DNAH3: variants seen among roughly 807,000 people sequenced by gnomAD.
The protein encoded by DNAH3 is dynein axonemal heavy chain 3.
Under a neutral mutation model 432.5 loss-of-function variants are expected in DNAH3, and 332 were observed. The ratio of observed to expected loss-of-function variants is 0.77; its 90% CI spans 0.70 to 0.84. The LOEUF (loss-of-function observed/expected upper bound fraction) is 0.84. Among genes scored for constraint, DNAH3 ranks in the 40% least tolerant of loss-of-function variants. DNAH3 has a pLI of 0.00. For missense variants in DNAH3, 4,861 were observed against 5,114.0 expected (o/e 0.95, Z 1.51); for synonymous variants, 1,956 against 1,900.2 (o/e 1.03, Z -0.76).
intron 47 of DNAH3, among the ~76,000 whole-genome samples, chr16:20,986,729 C>T (rs887500210): frequency 6.6e-6 from 1 of 152,110 alleles, no homozygotes; most frequent in African/African-American, 2.4e-5. Context: ...GTTTTAGATG[C>T]CTCCTCGTCC....
chr16:21,050,916 T>C (rs2089927613), intron 29 of DNAH3, among the ~76,000 whole-genome samples: 1 of 152,220 alleles, frequency 6.6e-6, no homozygotes, highest in South Asian at 2.1e-4. Context: ...TTTAGCACTC[T>C]ATCTTGTAAT....
chr16:21,081,437 C>T (rs1188957746), intron 20 of DNAH3, among the ~76,000 whole-genome samples, 199 bp downstream of exon 20: 1 of 151,120 alleles, frequency 6.6e-6, no homozygotes, highest in Admixed American at 6.6e-5. Context: ...CTAGTCACAA[C>T]CCATCAGCAG....
At chr16:21,004,105 A>T (rs1460802851) in intron 41 of DNAH3, among the ~76,000 whole-genome samples, 1 of 152,208 alleles carries the variant, frequency 6.6e-6, no homozygotes, top group Non-Finnish European at 1.5e-5. Context: ...ACTGGGTCCT[A>T]AAAGGTATTT....
chr16:21,010,042 A>G (rs758432585), intron 41 of DNAH3, among the ~76,000 whole-genome samples: 2 of 152,164 alleles, frequency 1.3e-5, no homozygotes, highest in Non-Finnish European at 2.9e-5. Flanking sequence ...TAAGGTTACC[A>G]TTTACACACC....
intron 32 of DNAH3, among the ~76,000 whole-genome samples, chr16:21,041,793 T>C (rs1162353712): frequency 2.0e-5 from 3 of 152,130 alleles, no homozygotes; most frequent in African/African-American, 7.2e-5. Context: ...CTTAGCCTCC[T>C]GAGCAGCTGA....
chr16:21,150,364 G>A (rs2092839058), intron 1 of DNAH3: 2 of 446,590 alleles, frequency 4.5e-6, no homozygotes, highest in South Asian at 3.2e-5. Context: ...TGAATAAAGA[G>A]CTTTCAGCTT....
exon 17 of DNAH3, chr16:21,098,684 T>C (rs763755171): frequency 1.9e-6 from 3 of 1,613,986 alleles, no homozygotes; most frequent in South Asian, 1.1e-5. Flanking sequence ...TTGTGCTTCA[T>C]TTCTTCTGTA....
chr16:21,153,701 C>T (rs573251884), intron 1 of DNAH3, among the ~76,000 whole-genome samples: 25 of 152,102 alleles, frequency 1.6e-4, no homozygotes, highest in South Asian at 1.0e-3. Context: ...GAAGAAACTC[C>T]GAACACATCC....
At chr16:21,157,781 GT>G (rs948549968) in intron 1 of DNAH3, among the ~76,000 whole-genome samples, 3 of 152,084 alleles carry the variant, frequency 2.0e-5, no homozygotes, top group African/African-American at 7.2e-5. Context: ...CTAATTTATG[GT>G]TGAAGCCATG....
intron 48 of DNAH3, among the ~76,000 whole-genome samples, chr16:20,984,714 C>T (rs974417736): frequency 5.3e-5 from 8 of 152,010 alleles, no homozygotes; most frequent in Admixed American, 6.6e-5. Context: ...ACTAAAAATA[C>T]AAAAATTAGC....
At chr16:21,143,719 G>A (rs1053759701) in intron 3 of DNAH3, among the ~76,000 whole-genome samples, 1 of 152,186 alleles carries the variant, frequency 6.6e-6, no homozygotes, top group African/African-American at 2.4e-5. Context: ...CTGTGGGTGT[G>A]TATGTAATAC....
At chr16:21,035,633 G>A (rs1417210962) in intron 35 of DNAH3, among the ~76,000 whole-genome samples, 4 of 152,008 alleles carry the variant, frequency 2.6e-5, no homozygotes, top group Admixed American at 6.6e-5. Flanking sequence ...CGTACGTTTC[G>A]TTCAATTTTT....
At chr16:21,127,318 C>T (rs561351992) in intron 8 of DNAH3, among the ~76,000 whole-genome samples, 10 of 150,850 alleles carry the variant, frequency 6.6e-5, no homozygotes, top group Admixed American at 4.0e-4. Context: ...TTTGGGAGGC[C>T]GAGGCAGGCA....
At chr16:20,961,698 T>C (rs1596965630) in intron 53 of DNAH3, among the ~76,000 whole-genome samples, 2 of 147,724 alleles carry the variant, frequency 1.4e-5, no homozygotes, top group East Asian at 2.0e-4. Flanking sequence ...AAAGAAACCA[T>C]CCCCGCCAAC....
chr16:21,150,462 C>T lies in DNAH3; in HGVS notation c.118-4374G>A. ...GGGATGACACCAACAATGGAACTTT[C>T]CAGATGTTCTGAAAGCTCTGTTCAT... On this transcript the variant is annotated intron_variant, in intron 1 of 61. The change creates a premature stop within an existing upstream ORF in the 5' untranslated region. Transcript: ENST00000261383. The T allele has an allele frequency of 2.7e-6, 1 of 367,932 alleles. No individual in the cohort carries two copies. Among genetic ancestry groups the T allele is most frequent in the South Asian group, 2.2e-5 (1 of 46,024 alleles). 22.8% of individuals were successfully genotyped at this position (367,932 alleles called of 1,614,324 possible).
At chr16:20,967,033 A>G (rs1596989748) in intron 52 of DNAH3, among the ~76,000 whole-genome samples, 1 of 152,186 alleles carries the variant, frequency 6.6e-6, no homozygotes, top group South Asian at 2.1e-4. Context: ...GGCCCATGGT[A>G]CTTGCCAAGC....
At chr16:21,102,936 T>C (rs1261570616) in intron 16 of DNAH3, among the ~76,000 whole-genome samples, 3 of 151,566 alleles carry the variant, frequency 2.0e-5, no homozygotes, top group African/African-American at 7.3e-5. Context: ...TTTCAGCATG[T>C]TGGTCAGGAT....
rs369652142 is a variant in DNAH3, at chr16:21,050,034, T to C, written c.4239-16A>G. ...CATCAGTGTCCTATGGGGAAGAAAA[T>C]AGAACTTCAGTGCTTGAGGTCTAAG... is the stretch of plus-strand genomic sequence containing the variant. On this transcript the variant is annotated splice_polypyrimidine_tract_variant and intron_variant, in intron 29 of 61. Transcript: ENST00000261383. 9.7e-5 allele frequency: 154 copies of C among 1,583,256 alleles called. 1 individual carries two copies. Among genetic ancestry groups the C allele is most frequent in the South Asian group, 7.1e-4 (64 of 89,956 alleles).
exon 53 of DNAH3, chr16:20,964,440 T>C (rs373572000): frequency 4.3e-5 from 70 of 1,614,010 alleles, no homozygotes; most frequent in Non-Finnish European, 5.6e-5. Context: ...CTCCTTGCTG[T>C]TTGAATGTTG....
Sources: allele counts gnomAD v4.1 joint callset (sites outside exome capture counted in the v4.1 genomes callset), GRCh38; gene constraint gnomAD v4.1.1; transcripts MANE v1.5; gene names NCBI Gene and HGNC (gene_info 2026-07-23, HGNC 2026-07-21).